ITPKB: variants seen among roughly 807,000 people sequenced by gnomAD.
ITPKB encodes the protein inositol-trisphosphate 3-kinase B, also known as IP3 3-kinase B.
Under a neutral mutation model 69.4 loss-of-function variants are expected in ITPKB, and 13 were observed. The observed-to-expected ratio is 0.19, with a 90% CI of 0.12 to 0.30. ITPKB has a LOEUF of 0.30. Ranked by LOEUF, ITPKB falls within the 10% of genes least tolerant of loss-of-function variation. The probability of loss-of-function intolerance (pLI) is 1.00; values close to 1 mark genes in which losing one functional copy is unlikely to be tolerated. For missense variants in ITPKB, 1,240 were observed against 1,250.5 expected (o/e 0.99, Z 0.13); for synonymous variants, 584 against 513.7 (o/e 1.14, Z -1.85).
intron 2 of ITPKB, among the ~76,000 whole-genome samples, chr1:226,716,328 ACTCTAAAAAGAGATTCTGTGG>A (rs1657094823): frequency 6.6e-6 from 1 of 151,654 alleles, no homozygotes; most frequent in African/African-American, 2.4e-5. Context: ...TTCTTCCCAT[ACTCTAAAAAGAGATTCTGTGG>A]CTCTAAAATC....
chr1:226,705,641 AATACCTTCAATTT>A (rs1656782348), intron 2 of ITPKB, among the ~76,000 whole-genome samples: 1 of 152,104 alleles, frequency 6.6e-6, no homozygotes, highest in Non-Finnish European at 1.5e-5. Context: ...TACGGGCCTG[AATACCTTCAATTT>A]CCCACCAAGG....
rs1428937505 is a variant in ITPKB at position 226,632,830 on chromosome 1, T to C, written c.*1841A>G. Reference sequence around the variant, plus strand: ...ATAACTTTTGGCCAGTCCATATTCATAGAATCTTTACGTCTGAATTAATGA... The same window carrying C: ...ATAACTTTTGGCCAGTCCATATTCACAGAATCTTTACGTCTGAATTAATGA... On this transcript the variant is annotated 3_prime_UTR_variant, in exon 8 of 8. Transcript: ENST00000429204. The C allele has an allele frequency of 6.6e-6, 1 of 152,648 alleles. No individual in the cohort carries two copies. The highest frequency in any genetic ancestry group is 6.5e-5 in the Admixed American group (1 of 15,288). The allele number at this position is 152,648 out of a possible 1,614,324, so 9.5% of individuals were successfully genotyped here. A position where few individuals can be genotyped will look rare whatever the true frequency, so the allele number is the denominator to read the frequency against.
At position 226,735,824 on chromosome 1, in the gene ITPKB, C is replaced by T. The variant is rs371000081; in HGVS notation, c.1635G>A (p.Pro545=). Reference sequence around the variant, plus strand: ...TGTCCGGATCTTGGGGTAGCAGCTCCGGACTTGGGAGGGCATCACTGTCCT... The same window carrying T: ...TGTCCGGATCTTGGGGTAGCAGCTCTGGACTTGGGAGGGCATCACTGTCCT... ...QRQDSDALPS[P]ELLPQDPDKP... Residue 545 remains proline, a synonymous_variant, in exon 2 of 8, where the codon CCG becomes CCA. Coordinates refer to ENST00000429204, the MANE Select transcript of ITPKB (RefSeq NM_002221.4). 17 of 1,608,452 alleles carry T rather than the reference C, an allele frequency of 1.1e-5. No homozygotes were observed. Among genetic ancestry groups the T allele is most frequent in the Non-Finnish European group, 1.4e-5 (16 of 1,175,702 alleles).
chr1:226,645,925 G>A (rs1163565722), intron 4 of ITPKB, among the ~76,000 whole-genome samples: 1 of 152,200 alleles, frequency 6.6e-6, no homozygotes, highest in Non-Finnish European at 1.5e-5. Flanking sequence ...ACAACAGTCA[G>A]TGGCAGGGTG....
Position 226,637,887 on chromosome 1 carries a change from C to T in ITPKB, c.2554-137G>A, listed in dbSNP as rs185678391. On this transcript the variant is annotated intron_variant, in intron 6 of 7. Coordinates refer to ENST00000429204, the MANE Select transcript of ITPKB (RefSeq NM_002221.4). This position sits in a 1 kb window ranked among gnomAD's most constrained non-coding sequence, Gnocchi z 4.3. ...CCGGACATCTAGAGGCAGCTTCCTG[C>T]GAGCAGGGCTGCTGTGGCGTCTTTC... 4.3e-5 allele frequency: 29 copies of T among 670,774 alleles called. No homozygotes were observed. Among genetic ancestry groups the T allele is most frequent in the African/African-American group, 3.0e-4 (17 of 55,784 alleles). The allele number at this position is 670,774 out of a possible 1,614,324, so 41.6% of individuals were successfully genotyped here.
At chr1:226,663,014 G>A (rs952430118) in intron 2 of ITPKB, among the ~76,000 whole-genome samples, 3 of 152,146 alleles carry the variant, frequency 2.0e-5, no homozygotes, top group African/African-American at 4.8e-5. Context: ...ATCTGTTCAC[G>A]TGCAGACCTC....
intron 2 of ITPKB, among the ~76,000 whole-genome samples, chr1:226,677,663 G>A (rs1655931458): frequency 1.3e-5 from 2 of 152,350 alleles, no homozygotes; most frequent in African/African-American, 4.8e-5. Flanking sequence ...CTGCAAGATG[G>A]AGAAGCAAAG....
intron 6 of ITPKB, among the ~76,000 whole-genome samples, chr1:226,639,286 G>A (rs2102739144): frequency 1.3e-5 from 2 of 152,290 alleles, no homozygotes; most frequent in Middle Eastern, 3.4e-3. Flanking sequence ...TCAAACTTCT[G>A]ACCTCAGGTG....
At chr1:226,635,340 C>A (rs555206251) in intron 7 of ITPKB, among the ~76,000 whole-genome samples, 2 of 152,308 alleles carry the variant, frequency 1.3e-5, no homozygotes, top group East Asian at 3.9e-4. Context: ...CCCACCACAG[C>A]CTCCCGAGTA....
chr1:226,734,232 G>C (rs1558101031), intron 2 of ITPKB, among the ~76,000 whole-genome samples: 1 of 152,224 alleles, frequency 6.6e-6, no homozygotes, highest in Non-Finnish European at 1.5e-5. Context: ...ATGCCAGGCT[G>C]ATTGGGGCGA....
chr1:226,657,429 A>G (rs1669314369), intron 2 of ITPKB, among the ~76,000 whole-genome samples: 1 of 152,140 alleles, frequency 6.6e-6, no homozygotes, highest in Non-Finnish European at 1.5e-5. Context: ...TTTTATTTAA[A>G]TAGTTTGATC....
At position 226,642,196 on chromosome 1, in the gene ITPKB, T is replaced by C; in HGVS notation, c.2247-71A>G. 1.5e-6 allele frequency: 2 copies of C among 1,305,842 alleles called. No individual in the cohort carries two copies. Among genetic ancestry groups the C allele is most frequent in the Non-Finnish European group, 1.1e-6 (1 of 929,772 alleles). The allele number at this position is 1,305,842 out of a possible 1,614,324, so 80.9% of individuals were successfully genotyped here. On this transcript the variant is annotated intron_variant, in intron 4 of 7. Coordinates refer to ENST00000429204, the MANE Select transcript of ITPKB (RefSeq NM_002221.4). The surrounding 1 kb of genome is among the most constrained non-coding windows in gnomAD (Gnocchi z 6.4). ...GCTCACCAGCAGCTCCTTTCCTGCC[T>C]GGTGGATGAAGGTTTGGGGCGTGTG...
chr1:226,704,449 G>A (rs982458545), intron 2 of ITPKB, among the ~76,000 whole-genome samples: 5 of 152,210 alleles, frequency 3.3e-5, no homozygotes, highest in African/African-American at 1.2e-4. Flanking sequence ...TGCTAATGAA[G>A]ATGTGTGAGA....
At chr1:226,724,857 T>C (rs1271037055) in intron 2 of ITPKB, among the ~76,000 whole-genome samples, 2 of 152,180 alleles carry the variant, frequency 1.3e-5, no homozygotes, top group African/African-American at 2.4e-5. Flanking sequence ...GAGCATCAAT[T>C]TGTGCAGAAT....
chr1:226,666,544 A>G (rs1669506982), intron 2 of ITPKB, among the ~76,000 whole-genome samples: 1 of 152,096 alleles, frequency 6.6e-6, no homozygotes, highest in Non-Finnish European at 1.5e-5. Flanking sequence ...CACAAATTCC[A>G]TGGGAGACCC....
chr1:226,675,890 C>T (rs1334370875), intron 2 of ITPKB, among the ~76,000 whole-genome samples: 6 of 152,188 alleles, frequency 3.9e-5, no homozygotes, highest in Non-Finnish European at 7.3e-5. Flanking sequence ...CTCAACCCAC[C>T]TTACTTGTAA....
At chr1:226,685,663 G>C (rs1558085125) in intron 2 of ITPKB, among the ~76,000 whole-genome samples, 1 of 152,194 alleles carries the variant, frequency 6.6e-6, no homozygotes, top group Non-Finnish European at 1.5e-5. Flanking sequence ...ATGTCTCTGT[G>C]ACCAGTGACA....
At chr1:226,722,242 A>G (rs570300159) in intron 2 of ITPKB, among the ~76,000 whole-genome samples, 8 of 152,350 alleles carry the variant, frequency 5.3e-5, no homozygotes. Context: ...CCCTTCAAGC[A>G]CAACATGGAT....
At chr1:226,677,984 CG>C (rs1350806637) in intron 2 of ITPKB, among the ~76,000 whole-genome samples, 7 of 152,002 alleles carry the variant, frequency 4.6e-5, no homozygotes, top group Non-Finnish European at 8.8e-5. Flanking sequence ...CATTATTTAA[CG>C]TGCTATATCA....
Sources: gnomAD v4.1 joint callset for allele counts (sites outside exome capture counted in the v4.1 genomes callset) on GRCh38, gnomAD v4.1.1 for gene constraint, Gnocchi (gnomAD v3.1) non-coding constraint, MANE v1.5 for transcripts, NCBI Gene and HGNC (gene_info 2026-07-23, HGNC 2026-07-21) for gene names.